Variants in POFUT3 observed in about 807,000 individuals in gnomAD.
The protein encoded by POFUT3 is GDP-fucose protein O-fucosyltransferase 3.
the POFUT3 span, chr8:33,388,981 A>G: frequency 1.9e-6 from 3 of 1,614,080 alleles, no homozygotes; most frequent in Non-Finnish European, 2.5e-6. Context: ...GAAGCCTGAT[A>G]TTAGCCCACA....
chr8:33,308,869 G>T, the POFUT3 span, among the ~76,000 whole-genome samples: 11 of 150,666 alleles, frequency 7.3e-5, no homozygotes, highest in African/African-American at 2.7e-4. Flanking sequence ...GTGCATTCTG[G>T]AGCCCAGGCT....
chr8:33,315,902 T>C, the POFUT3 span, among the ~76,000 whole-genome samples: 2 of 152,190 alleles, frequency 1.3e-5, no homozygotes, highest in African/African-American at 4.8e-5. Flanking sequence ...TTTAAAATAA[T>C]GTATGTTTCC....
the POFUT3 span, among the ~76,000 whole-genome samples, chr8:33,468,030 A>G: frequency 6.6e-6 from 1 of 152,146 alleles, no homozygotes; most frequent in Non-Finnish European, 1.5e-5. Flanking sequence ...ACCTAAGGTC[A>G]GGAGTTTGAG....
the POFUT3 span, among the ~76,000 whole-genome samples, chr8:33,347,920 G>A: frequency 3.3e-5 from 5 of 152,106 alleles, no homozygotes; most frequent in African/African-American, 1.2e-4. Context: ...GCTCACACCT[G>A]TAATCCCAGC....
the POFUT3 span, among the ~76,000 whole-genome samples, chr8:33,373,979 A>G: frequency 6.6e-6 from 1 of 152,204 alleles, no homozygotes; most frequent in Non-Finnish European, 1.5e-5. Flanking sequence ...CCCCTGATAC[A>G]GGGGTCCTCA....
At chr8:33,359,225 A>C in the POFUT3 span, among the ~76,000 whole-genome samples, 1 of 152,240 alleles carries the variant, frequency 6.6e-6, no homozygotes, top group African/African-American at 2.4e-5. Flanking sequence ...TGTTATTTAT[A>C]GTATTCTTAC....
the POFUT3 span, among the ~76,000 whole-genome samples, chr8:33,468,842 A>G: frequency 1.3e-5 from 2 of 152,140 alleles, no homozygotes; most frequent in Non-Finnish European, 2.9e-5. Flanking sequence ...CAAGATAAAA[A>G]TAAAACTGTT....
chr8:33,416,830 C>CAAAAAA, the POFUT3 span, among the ~76,000 whole-genome samples: 4 of 44,438 alleles, frequency 9.0e-5, no homozygotes, highest in East Asian at 7.4e-4. Context: ...TGGGCGACGA[C>CAAAAAA]AAAAAAAAAA....
At chr8:33,309,377 T>TGTGTGTGTGTGTGTGTGTGTGTG in the POFUT3 span, among the ~76,000 whole-genome samples, 14 of 146,262 alleles carry the variant, frequency 9.6e-5, no homozygotes, top group African/African-American at 3.6e-4. Flanking sequence ...GTGTGTGTGT[T>TGTGTGTGTGTGTGTGTGTGTGTG]TTTCTCCCCT....
chr8:33,470,744 T>G, the POFUT3 span, among the ~76,000 whole-genome samples: 1 of 152,208 alleles, frequency 6.6e-6, no homozygotes, highest in Admixed American at 6.5e-5. Flanking sequence ...TATATATTCA[T>G]GAATGAGGAG....
the POFUT3 span, chr8:33,436,170 C>A: frequency 1.6e-6 from 2 of 1,226,648 alleles, no homozygotes; most frequent in African/African-American, 3.0e-5. Context: ...TTAAGGTCCA[C>A]GGTTCCTAAG....
the POFUT3 span, among the ~76,000 whole-genome samples, chr8:33,334,991 A>G: frequency 2.0e-5 from 3 of 152,202 alleles, no homozygotes; most frequent in Non-Finnish European, 2.9e-5. Context: ...TTGTCTTGGG[A>G]GCCGACTTTT....
At chr8:33,464,842 C>T in the POFUT3 span, among the ~76,000 whole-genome samples, 3 of 152,036 alleles carry the variant, frequency 2.0e-5, no homozygotes, top group Non-Finnish European at 2.9e-5. Flanking sequence ...AATACCAACA[C>T]TCACAGGTTA....
At chr8:33,318,425 C>T in the POFUT3 span, among the ~76,000 whole-genome samples, 9 of 143,636 alleles carry the variant, frequency 6.3e-5, no homozygotes, top group South Asian at 1.3e-3. Context: ...CACATACACA[C>T]ATGTATATAT....
chr8:33,425,457 T>C, the POFUT3 span, among the ~76,000 whole-genome samples: 1 of 151,898 alleles, frequency 6.6e-6, no homozygotes, highest in Non-Finnish European at 1.5e-5. Context: ...AATTGAAGGA[T>C]GAGTGGAATA....
the POFUT3 span, among the ~76,000 whole-genome samples, chr8:33,405,560 C>G: frequency 0.25 from 38,557 of 151,924 alleles, 5,384 homozygotes; most frequent in South Asian, 0.44. Context: ...TAAGGAAATA[C>G]TAAAGAACTC....
At chr8:33,437,998 G>A in the POFUT3 span, among the ~76,000 whole-genome samples, 5 of 152,108 alleles carry the variant, frequency 3.3e-5, no homozygotes, top group Non-Finnish European at 7.3e-5. Context: ...ACTCAGGAAG[G>A]TAAAATATGT....
the POFUT3 span, among the ~76,000 whole-genome samples, chr8:33,368,176 A>G: frequency 3.9e-5 from 6 of 152,176 alleles, no homozygotes; most frequent in Non-Finnish European, 7.4e-5. Flanking sequence ...AAGAAGCCTC[A>G]GGAAGATAAA....
At chr8:33,449,148 G>C in the POFUT3 span, among the ~76,000 whole-genome samples, 1 of 152,138 alleles carries the variant, frequency 6.6e-6, no homozygotes, top group African/African-American at 2.4e-5. Context: ...GATTGGCACT[G>C]TGCCTGATAT....
Sources: gnomAD v4.1 joint callset for allele counts (sites outside exome capture counted in the v4.1 genomes callset) on GRCh38, gnomAD v4.1.1 for gene constraint, MANE v1.5 for transcripts, NCBI Gene and HGNC (gene_info 2026-07-23, HGNC 2026-07-21) for gene names.